The following TRMT9B variants were observed in gnomAD, a reference collection of about 807,000 sequenced individuals.
The protein encoded by TRMT9B is tRNA methyltransferase 9B (putative).
TRMT9B carries 16 observed loss-of-function variants against 11.5 expected under a neutral mutation model. The ratio of observed to expected loss-of-function variants is 1.39; its 90% CI spans 0.94 to 2.11. The LOEUF (loss-of-function observed/expected upper bound fraction) is 2.11. TRMT9B is among the 30% of genes most tolerant of loss of function. TRMT9B has a pLI of 0.00. For missense variants in TRMT9B, 941 were observed against 553.8 expected (o/e 1.70, Z -7.02); for synonymous variants, 274 against 192.4 (o/e 1.42, Z -3.51).
intron 1 of TRMT9B, chr8:12,970,201 A>G (rs1803398683): frequency 6.6e-6 from 1 of 152,352 alleles, no homozygotes; most frequent in Middle Eastern, 3.4e-3. Context: ...GAAACAAAAA[A>G]CAAATTTACT....
intron 1 of TRMT9B, among the ~76,000 whole-genome samples, chr8:12,966,005 T>A (rs1234572580): frequency 6.8e-6 from 1 of 148,038 alleles, no homozygotes; most frequent in East Asian, 2.0e-4. Flanking sequence ...AGAGCAAGAC[T>A]CTGTCTCAAA....
At chr8:12,998,738 C>G (rs1054330758) in intron 2 of TRMT9B, among the ~76,000 whole-genome samples, 15 of 152,338 alleles carry the variant, frequency 9.8e-5, no homozygotes, top group Admixed American at 5.2e-4. Context: ...AGAGTGTCAT[C>G]TCCTTGATGA....
rs746699287 is a variant in TRMT9B, at chr8:13,026,307, C to T, written c.*4263C>T. On this transcript the variant is annotated 3_prime_UTR_variant, in exon 5 of 5. Coordinates refer to ENST00000524591, the MANE Select transcript of TRMT9B (RefSeq NM_020844.3). ...AAACCAAACACCGCATGTTCTCACT[C>T]ATAGGTGGGAATTGAACAATGAGAA... The T allele has an allele frequency of 6.0e-6, 1 of 167,142 alleles. No individual in the cohort carries two copies. Among genetic ancestry groups the T allele is most frequent in the Non-Finnish European group, 1.5e-5 (1 of 68,172 alleles). The allele number at this position is 167,142 out of a possible 1,614,324, so 10.4% of individuals were successfully genotyped here. A position where few individuals can be genotyped will look rare whatever the true frequency, so the allele number is the denominator to read the frequency against.
intron 1 of TRMT9B, among the ~76,000 whole-genome samples, chr8:12,946,268 C>T (rs1433122648): frequency 6.6e-6 from 1 of 151,948 alleles, no homozygotes; most frequent in Non-Finnish European, 1.5e-5. Context: ...GAAGAGACGG[C>T]CTTGGCAATC....
chr8:13,006,638 C>A (rs1585328870), intron 3 of TRMT9B: 2 of 1,354,552 alleles, frequency 1.5e-6, no homozygotes, highest in East Asian at 2.6e-5. Flanking sequence ...GTCAAGTCAG[C>A]AGCAAGTAAA....
intron 2 of TRMT9B, among the ~76,000 whole-genome samples, chr8:12,994,474 C>T (rs564390372): frequency 6.6e-4 from 100 of 152,276 alleles, no homozygotes; most frequent in African/African-American, 2.3e-3. Flanking sequence ...CCTTTCTTCC[C>T]TTCGGTAGCG....
chr8:12,969,002 G>A (rs147197837), intron 1 of TRMT9B, among the ~76,000 whole-genome samples: 3,783 of 152,220 alleles, frequency 0.025, 168 homozygotes, highest in African/African-American at 0.086. Flanking sequence ...ACCTGAGGTC[G>A]GGAGTTCGAG....
rs1276096190 is a variant in TRMT9B, at chr8:13,029,317, A to C, written c.*7273A>C. On this transcript the variant is annotated 3_prime_UTR_variant, in exon 5 of 5. Coordinates refer to ENST00000524591, the MANE Select transcript of TRMT9B (RefSeq NM_020844.3). The stretch of plus-strand genomic sequence containing the variant: ...TTTTCTACAATGTACAGTTATTTTG[A>C]CTTTTCCCAGGGGAAGCTAGCAATA... 2 of 167,026 alleles carry C rather than the reference A, an allele frequency of 1.2e-5. No individual in the cohort carries two copies. The highest frequency in any genetic ancestry group is 2.9e-5 in the Non-Finnish European group (2 of 68,114). The allele number at this position is 167,026 out of a possible 1,614,324, so 10.3% of individuals were successfully genotyped here.
rs1201891513 is a variant in TRMT9B at position 13,020,459 on chromosome 8, T to A, written c.329-549T>A. 3.3e-5 allele frequency among the ~76,000 whole-genome samples: 5 copies of A among 152,330 alleles called. No individual in the cohort carries two copies. In the East Asian group the frequency reaches 9.6e-4, roughly 29 times the overall value. The stretch of plus-strand genomic sequence containing the variant: ...AAATAGACACAACTATTTTATATCT[T>A]ATTATAAGCAACCAATTGGACTTGG... On this transcript the variant is annotated intron_variant, in intron 4 of 4. Coordinates refer to ENST00000524591, the MANE Select transcript of TRMT9B (RefSeq NM_020844.3).
intron 3 of TRMT9B, chr8:13,010,301 A>T: frequency 1.1e-6 from 1 of 940,748 alleles, no homozygotes; most frequent in Middle Eastern, 5.4e-4. Context: ...TTTCATTGCA[A>T]AATGAAAGAT....
intron 1 of TRMT9B, among the ~76,000 whole-genome samples, chr8:12,983,459 C>T (rs1409866607): frequency 6.6e-6 from 1 of 152,106 alleles, no homozygotes; most frequent in East Asian, 1.9e-4. Context: ...TACCTGAGGT[C>T]AGGAGTTTGA....
chr8:13,021,274 T>C lies in TRMT9B; in HGVS notation c.595T>C (p.Cys199Arg). The C allele has an allele frequency of 6.2e-7, 1 of 1,614,030 alleles. No individual in the cohort carries two copies. Among genetic ancestry groups the C allele is most frequent in the Non-Finnish European group, 8.5e-7 (1 of 1,179,874 alleles). ...PYHPPCSECSCSVCFKEQCGS... is the reference protein window; with the variant it reads ...PYHPPCSECSRSVCFKEQCGS... The stretch of plus-strand genomic sequence containing the variant: ...CCATCCTCCTTGCTCTGAGTGTAGC[T>C]GTTCTGTTTGTTTTAAAGAGCAGTG... The change falls in exon 5 of 5, where the codon TGT (cysteine) becomes CGT (arginine). Residue 199 changes from cysteine to arginine, a missense_variant. Cys to Arg is a radical substitution (Grantham distance 180, BLOSUM62 -3). Transcript: ENST00000524591.
intron 1 of TRMT9B, chr8:12,962,282 T>C (rs1802227857): frequency 6.6e-6 from 1 of 152,218 alleles, no homozygotes; most frequent in African/African-American, 2.4e-5. Context: ...CCCATACATA[T>C]ACATTATGTG....
intron 1 of TRMT9B, among the ~76,000 whole-genome samples, chr8:12,968,624 A>G (rs1803151595): frequency 6.6e-6 from 1 of 152,196 alleles, no homozygotes; most frequent in Non-Finnish European, 1.5e-5. Flanking sequence ...CGTGGACTCC[A>G]GGTTCAACTC....
chr8:12,954,728 T>C (rs1801077439), intron 1 of TRMT9B, among the ~76,000 whole-genome samples: 1 of 152,246 alleles, frequency 6.6e-6, no homozygotes, highest in Admixed American at 6.5e-5. Flanking sequence ...TGTGACTCAC[T>C]TCTTTTGATG....
chr8:13,006,539 T>G, intron 3 of TRMT9B, 183 bp downstream of exon 3: 3 of 1,435,472 alleles, frequency 2.1e-6, no homozygotes, highest in Non-Finnish European at 2.7e-6. Flanking sequence ...CACATTGATT[T>G]TTCATTTTTG....
intron 2 of TRMT9B, among the ~76,000 whole-genome samples, chr8:12,993,188 G>A (rs1807685864): frequency 6.6e-6 from 1 of 152,224 alleles, no homozygotes; most frequent in African/African-American, 2.4e-5. Context: ...GGGTTTTCGT[G>A]ACAGACTGAG....
In TRMT9B at chr8:13,021,797, G is replaced by C. The variant is rs1312470243; in HGVS notation, c.1118G>C (p.Ser373Thr). Reference sequence around the variant, plus strand: ...ATAGAAGATGATAATCCTTCTGCTAGTAAAATATTGAGAAGGATTTCTGCA... The same window carrying C: ...ATAGAAGATGATAATCCTTCTGCTACTAAAATATTGAGAAGGATTTCTGCA... ...GNIEDDNPSA[S>T]KILRRISAVD... Residue 373 changes from serine (S) to threonine (T), a missense_variant, in exon 5 of 5, where the codon AGT (serine) becomes ACT (threonine). Physicochemically the swap from Ser to Thr is moderately conservative, Grantham distance 58 (BLOSUM62 1). Coordinates refer to ENST00000524591, the MANE Select transcript of TRMT9B (RefSeq NM_020844.3). 1 of 1,613,788 alleles carries C rather than the reference G, an allele frequency of 6.2e-7. No individual in the cohort carries two copies. The highest frequency in any genetic ancestry group is 8.5e-7 in the Non-Finnish European group (1 of 1,179,766).
At chr8:12,999,128 G>A (rs1046595759) in intron 2 of TRMT9B, among the ~76,000 whole-genome samples, 2 of 151,874 alleles carry the variant, frequency 1.3e-5, no homozygotes, top group Non-Finnish European at 2.9e-5. Flanking sequence ...GTGAAACCCC[G>A]TCTCTAGTAA....
Sources: gnomAD v4.1 joint callset for allele counts (sites outside exome capture counted in the v4.1 genomes callset) on GRCh38, gnomAD v4.1.1 for gene constraint, MANE v1.5 for transcripts, NCBI Gene and HGNC (gene_info 2026-07-23, HGNC 2026-07-21) for gene names.